FER: variants seen among roughly 807,000 people sequenced by gnomAD.
The protein encoded by FER is FER tyrosine kinase.
FER carries 63 observed loss-of-function variants against 111.0 expected under a neutral mutation model. The observed-to-expected ratio is 0.57, with a 90% CI of 0.46 to 0.70. FER has a LOEUF of 0.70. Ranked by LOEUF, FER falls within the 30% of genes least tolerant of loss-of-function variation. The pLI is 0.00. For missense variants in FER, 914 were observed against 954.0 expected, an observed-to-expected ratio of 0.96 and a Z score of 0.55; for synonymous variants, 327 against 313.9, an observed-to-expected ratio of 1.04 and a Z score of -0.44.
chr5:108,763,214 A>G (rs1261539001), intron 1 of FER, among the ~76,000 whole-genome samples: 1 of 152,194 alleles, frequency 6.6e-6, no homozygotes, highest in South Asian at 2.1e-4. Flanking sequence ...CTCTGAAGGG[A>G]CTTAGAATAC....
chr5:108,968,255 C>T (rs1434626907), intron 13 of FER, among the ~76,000 whole-genome samples: 1 of 152,050 alleles, frequency 6.6e-6, no homozygotes, highest in South Asian at 2.1e-4. Context: ...GGCCTGGTGG[C>T]GCATGCCTGT....
chr5:108,873,317 G>GT (rs1482818245), intron 8 of FER, among the ~76,000 whole-genome samples: 7 of 151,360 alleles, frequency 4.6e-5, no homozygotes, highest in South Asian at 4.2e-4. Flanking sequence ...TAATTTTTGT[G>GT]TTTTTTTTGT....
chr5:108,923,951 A>T (rs1232361491), intron 10 of FER, among the ~76,000 whole-genome samples: 1 of 152,216 alleles, frequency 6.6e-6, no homozygotes, highest in Non-Finnish European at 1.5e-5. Flanking sequence ...TTGTTTCAAG[A>T]AGTGCTTGAA....
chr5:108,906,743 A>T (rs895114042), intron 10 of FER, among the ~76,000 whole-genome samples: 1 of 151,994 alleles, frequency 6.6e-6, no homozygotes, highest in Non-Finnish European at 1.5e-5. Context: ...ATATCTTAAG[A>T]TTATTCATTA....
chr5:108,802,464 C>G (rs368920469), intron 3 of FER, among the ~76,000 whole-genome samples: 87 of 152,186 alleles, frequency 5.7e-4, no homozygotes, highest in African/African-American at 2.0e-3. Flanking sequence ...TTACCAAAGT[C>G]GTAAGCATAA....
intron 17 of FER, among the ~76,000 whole-genome samples, chr5:109,151,217 T>C (rs1156699546): frequency 1.3e-5 from 2 of 152,156 alleles, no homozygotes; most frequent in Non-Finnish European, 2.9e-5. Context: ...TTAGAGGTAA[T>C]ATTTTTCTAC....
intron 5 of FER, among the ~76,000 whole-genome samples, chr5:108,862,780 A>C (rs1217791399): frequency 6.6e-6 from 1 of 152,076 alleles, no homozygotes; most frequent in Non-Finnish European, 1.5e-5. Context: ...TGTTGTCAGA[A>C]TTAATTTGTT....
intron 17 of FER, among the ~76,000 whole-genome samples, chr5:109,148,048 CAT>C (rs919022657): frequency 1.3e-5 from 2 of 151,384 alleles, no homozygotes; most frequent in Non-Finnish European, 2.9e-5. Flanking sequence ...AAATGTTGTA[CAT>C]ATATATATAG....
At chr5:108,929,028 T>C (rs995951978) in intron 10 of FER, among the ~76,000 whole-genome samples, 3 of 152,120 alleles carry the variant, frequency 2.0e-5, no homozygotes, top group Non-Finnish European at 1.5e-5. Flanking sequence ...TATGAGAACA[T>C]TGAATATATG....
At chr5:108,803,943 T>G (rs1237658455) in intron 3 of FER, among the ~76,000 whole-genome samples, 3 of 152,190 alleles carry the variant, frequency 2.0e-5, no homozygotes, top group Non-Finnish European at 4.4e-5. Context: ...TTTAATGATA[T>G]TGATTCTTTC....
chr5:109,181,053 T>C (rs1758237677), intron 18 of FER, 152 bp downstream of exon 18: 1 of 627,294 alleles, frequency 1.6e-6, no homozygotes, highest in Non-Finnish European at 2.5e-6. Flanking sequence ...TTTTAATTTG[T>C]TGAAATTATT....
At position 109,002,159 on chromosome 5, in the gene FER, T is replaced by C. The variant is rs879862656; in HGVS notation, c.1657-35263T>C. 5.4e-3 allele frequency among the ~76,000 whole-genome samples: 818 copies of C among 151,144 alleles called. 2 individuals are homozygous for C. The highest frequency in any genetic ancestry group is 9.3e-3 in the Non-Finnish European group (630 of 67,684). ...TATGGAACCAAAAAAGAGCCCGCATTGCCAAGTCACTCCTAAGCCAAAAGA... is the reference window on the plus strand; with the variant it reads ...TATGGAACCAAAAAAGAGCCCGCATCGCCAAGTCACTCCTAAGCCAAAAGA... On this transcript the variant is annotated intron_variant, in intron 13 of 19. Transcript: ENST00000281092.
At chr5:108,813,916 T>G (rs1758012118) in intron 3 of FER, among the ~76,000 whole-genome samples, 1 of 152,132 alleles carries the variant, frequency 6.6e-6, no homozygotes, top group African/African-American at 2.4e-5. Flanking sequence ...ACCCATACTT[T>G]AGGGTGGAAC....
At chr5:108,847,083 A>C (rs978196734) in intron 5 of FER, among the ~76,000 whole-genome samples, 4 of 150,882 alleles carry the variant, frequency 2.7e-5, no homozygotes, top group African/African-American at 9.7e-5. Flanking sequence ...TTAATGTGGA[A>C]GCTGAGGTCA....
intron 13 of FER, among the ~76,000 whole-genome samples, chr5:109,001,868 T>C (rs942581813): frequency 2.6e-5 from 4 of 152,052 alleles, no homozygotes; most frequent in African/African-American, 9.7e-5. Context: ...AAATCATGAG[T>C]GAACTCCCAT....
intron 3 of FER, among the ~76,000 whole-genome samples, chr5:108,821,993 A>G (rs1420558856): frequency 6.6e-6 from 1 of 152,168 alleles, no homozygotes; most frequent in African/African-American, 2.4e-5. Flanking sequence ...CCCTTTGACC[A>G]AAATGTCCCC....
intron 16 of FER, among the ~76,000 whole-genome samples, chr5:109,092,799 C>A (rs1041969252): frequency 2.6e-5 from 4 of 152,082 alleles, no homozygotes. Context: ...TGAAAAGATA[C>A]GGTTACACTT....
intron 17 of FER, among the ~76,000 whole-genome samples, chr5:109,169,470 C>T (rs576118746): frequency 6.6e-6 from 1 of 152,044 alleles, no homozygotes; most frequent in South Asian, 2.1e-4. Context: ...TATAAAGTCA[C>T]CTGGGATATT....
At chr5:108,810,339 C>G (rs1194171637) in intron 3 of FER, among the ~76,000 whole-genome samples, 2 of 152,190 alleles carry the variant, frequency 1.3e-5, no homozygotes. Flanking sequence ...TCTCTGTTGC[C>G]TCAGGCAATT....
Sources: gnomAD v4.1 joint callset for allele counts (sites outside exome capture counted in the v4.1 genomes callset) on GRCh38, gnomAD v4.1.1 for gene constraint, MANE v1.5 for transcripts, NCBI Gene and HGNC (gene_info 2026-07-23, HGNC 2026-07-21) for gene names.